GPR146: variants seen among roughly 807,000 people sequenced by gnomAD.
The protein encoded by GPR146 is G-protein coupled receptor 146.
For synonymous variants in GPR146, 203 were observed against 104.3 expected, an observed-to-expected ratio of 1.95 and a Z score of -5.77; for missense variants, 381 against 213.9, an observed-to-expected ratio of 1.78 and a Z score of -4.87.
rs549095534 is a variant in GPR146 at position 1,055,502 on chromosome 7, C to T, written c.-24-1990C>T. Reference sequence around the variant, plus strand: ...AGTAAAGGTGAGAGCCTGTGGTGCCCGCAGGTGGGAGAGGGGACGTGGGGG... The same window carrying T: ...AGTAAAGGTGAGAGCCTGTGGTGCCTGCAGGTGGGAGAGGGGACGTGGGGG... On this transcript the variant is annotated intron_variant, in intron 1 of 1. Transcript: ENST00000444847. 22 of 452,866 alleles carry T rather than the reference C, an allele frequency of 4.9e-5. No homozygotes were observed. The East Asian group carries it at 6.3e-4, about 13-fold the overall frequency. The allele number at this position is 452,866 out of a possible 1,614,324, so 28.1% of individuals were successfully genotyped here.
intron 1 of GPR146, among the ~76,000 whole-genome samples, chr7:1,051,418 A>G (rs1783101444): frequency 6.6e-6 from 1 of 152,224 alleles, no homozygotes; most frequent in Non-Finnish European, 1.5e-5. Flanking sequence ...CGTGGGGAGC[A>G]CATTTGCTCA....
intron 1 of GPR146, among the ~76,000 whole-genome samples, chr7:1,055,816 C>T (rs532377896): frequency 6.6e-5 from 10 of 152,116 alleles, no homozygotes; most frequent in South Asian, 2.1e-4. Context: ...TGGACAGATC[C>T]GGGGGCCCTG....
chr7:1,048,613 C>T (rs528864936), intron 1 of GPR146, among the ~76,000 whole-genome samples: 3 of 152,214 alleles, frequency 2.0e-5, no homozygotes, highest in Non-Finnish European at 4.4e-5. Context: ...GTTCACCTCA[C>T]TGCTCACAGA....
rs147995364 is a variant in GPR146 at position 1,052,536 on chromosome 7, G to A, written c.-24-4956G>A. ...GAGCAGGGCCTGGCGGAAGAAGTGG[G>A]GGAGCCAGGAAGGAGCAGCTGCCAG... On this transcript the variant is annotated intron_variant, in intron 1 of 1. Coordinates refer to ENST00000444847, the MANE Select transcript of GPR146 (RefSeq NM_001303473.2). The surrounding 1 kb of genome is among the most constrained non-coding windows in gnomAD (Gnocchi z 4.2). Among the ~76,000 whole-genome samples, 391 of 152,268 alleles carry A rather than the reference G, an allele frequency of 2.6e-3. 1 individual carries two copies. Among genetic ancestry groups the A allele is most frequent in the African/African-American group, 9.0e-3 (372 of 41,544 alleles).
intron 1 of GPR146, among the ~76,000 whole-genome samples, chr7:1,051,132 C>A (rs892257192): frequency 1.3e-5 from 2 of 152,234 alleles, no homozygotes; most frequent in Admixed American, 6.5e-5. Flanking sequence ...AGCTCCCAGG[C>A]CCTACAAGCA....
chr7:1,055,324 C>T lies in GPR146; in HGVS notation c.-24-2168C>T, dbSNP rs918489150. ...TGGGGCCCTCACACGCACGCGCAGG[C>T]GGCCAGGCGCGCTGCTGATAAGAGC... On this transcript the variant is annotated intron_variant, in intron 1 of 1. Transcript: ENST00000444847. The T allele has an allele frequency of 1.7e-5, 8 of 471,132 alleles. No individual in the cohort carries two copies. In the East Asian group the frequency reaches 2.1e-4, roughly 12 times the overall value. 29.2% of individuals were successfully genotyped at this position (471,132 alleles called of 1,614,324 possible). A position where few individuals can be genotyped will look rare whatever the true frequency, so the allele number is the denominator to read the frequency against.
At position 1,058,863 on chromosome 7, in the gene GPR146, A is replaced by G. The variant is rs182160087; in HGVS notation, c.*346A>G. 11 of 245,802 alleles carry G rather than the reference A, an allele frequency of 4.5e-5. No homozygotes were observed. The highest frequency in any genetic ancestry group is 6.8e-5 in the Non-Finnish European group (8 of 117,828). The allele number at this position is 245,802 out of a possible 1,614,324, so 15.2% of individuals were successfully genotyped here. On this transcript the variant is annotated 3_prime_UTR_variant, in exon 2 of 2. Transcript: ENST00000444847. ...AGTATTTATACTTTGTGGTTAAAAT[A>G]CTTGATTCCCCCTTGTTTGTTTTAC...
chr7:1,053,542 A>G (rs1188774834), intron 1 of GPR146, among the ~76,000 whole-genome samples: 2 of 151,820 alleles, frequency 1.3e-5, no homozygotes, highest in Admixed American at 1.3e-4. Flanking sequence ...CAAAATGTAC[A>G]CCTCGCTGGG....
intron 1 of GPR146, chr7:1,055,545 C>T: frequency 2.3e-6 from 1 of 426,792 alleles, no homozygotes. Context: ...GCAGTACAGG[C>T]AGGAGAGGGG....
chr7:1,048,743 C>T lies in GPR146; in HGVS notation c.-25+4085C>T, dbSNP rs553802732. 4.9e-4 allele frequency among the ~76,000 whole-genome samples: 74 copies of T among 152,300 alleles called. No individual in the cohort carries two copies. The South Asian group carries it at 0.015, about 30-fold the overall frequency. ...GACAGCTAGCCTGACGGGGTCCTGT[C>T]GCCCCTGTCCACACCCTGCTATGGC... On this transcript the variant is annotated intron_variant, in intron 1 of 1. Transcript: ENST00000444847.
intron 1 of GPR146, among the ~76,000 whole-genome samples, chr7:1,045,145 G>A (rs975606095): frequency 6.6e-6 from 1 of 152,232 alleles, no homozygotes; most frequent in Non-Finnish European, 1.5e-5. Context: ...GGAAGGCAGT[G>A]CTCTCCAGCC....
chr7:1,045,049 T>C (rs1252824692), intron 1 of GPR146, among the ~76,000 whole-genome samples: 1 of 152,226 alleles, frequency 6.6e-6, no homozygotes, highest in Non-Finnish European at 1.5e-5. Context: ...GAGTTTTGGA[T>C]CTGTGTCTAC....
chr7:1,051,686 A>G (rs1020984144), intron 1 of GPR146, among the ~76,000 whole-genome samples: 1 of 152,246 alleles, frequency 6.6e-6, no homozygotes, highest in African/African-American at 2.4e-5. Flanking sequence ...TTAAAAAACA[A>G]AAACAGGTCA....
chr7:1,055,767 G>A (rs989975620), intron 1 of GPR146, among the ~76,000 whole-genome samples: 2 of 152,132 alleles, frequency 1.3e-5, no homozygotes, highest in African/African-American at 4.8e-5. Flanking sequence ...GGCACACAGT[G>A]AGACAGCCCT....
At chr7:1,050,207 C>T (rs1052847043) in intron 1 of GPR146, among the ~76,000 whole-genome samples, 3 of 152,256 alleles carry the variant, frequency 2.0e-5, no homozygotes, top group Admixed American at 6.5e-5. Context: ...CCTGTGCACC[C>T]TGTGGGCAGT....
At chr7:1,054,746 G>A (rs1055382717) in intron 1 of GPR146, among the ~76,000 whole-genome samples, 3 of 152,190 alleles carry the variant, frequency 2.0e-5, no homozygotes, top group Non-Finnish European at 2.9e-5. Context: ...AGGAGGCTCC[G>A]TGTGTGGGGC....
Position 1,044,667 on chromosome 7 carries a change from G to A in GPR146, c.-25+9G>A, listed in dbSNP as rs1782407694. 2 of 152,182 alleles carry A rather than the reference G, an allele frequency of 1.3e-5. No individual in the cohort carries two copies. Among genetic ancestry groups the A allele is most frequent in the Admixed American group, 1.3e-4 (2 of 15,298 alleles). The allele number at this position is 152,182 out of a possible 1,614,324, so 9.4% of individuals were successfully genotyped here. A position where few individuals can be genotyped will look rare whatever the true frequency, so the allele number is the denominator to read the frequency against. ...CGCCGCCCAGCAAGCCGGTGAGTGG[G>A]GCCCGGGAGCCTGGGTCGGGTCGGT... On this transcript the variant is annotated intron_variant, in intron 1 of 1. Coordinates refer to ENST00000444847, the MANE Select transcript of GPR146 (RefSeq NM_001303473.2).
intron 1 of GPR146, among the ~76,000 whole-genome samples, chr7:1,053,488 G>A (rs1274657945): frequency 1.3e-5 from 2 of 152,220 alleles, no homozygotes; most frequent in Non-Finnish European, 2.9e-5. Flanking sequence ...GCCAGGCCCT[G>A]GCACGCTGTG....
In GPR146 at chr7:1,058,693, C is replaced by T; in HGVS notation, c.*176C>T. 1.7e-6 allele frequency: 1 copy of T among 603,170 alleles called. No homozygotes were observed. Among genetic ancestry groups the T allele is most frequent in the East Asian group, 2.8e-5 (1 of 35,832 alleles). The allele number at this position is 603,170 out of a possible 1,614,324, so 37.4% of individuals were successfully genotyped here. A position where few individuals can be genotyped will look rare whatever the true frequency, so the allele number is the denominator to read the frequency against. ...GCCACTCTTGGGCCAAGGCTGTGGTCCCCGTGGCTGGCATCTGGCTTGAGT... is the reference window on the plus strand; with the variant it reads ...GCCACTCTTGGGCCAAGGCTGTGGTTCCCGTGGCTGGCATCTGGCTTGAGT... On this transcript the variant is annotated 3_prime_UTR_variant, in exon 2 of 2. Transcript: ENST00000444847.
Sources: gnomAD v4.1 joint callset for allele counts (sites outside exome capture counted in the v4.1 genomes callset) on GRCh38, gnomAD v4.1.1 for gene constraint, Gnocchi (gnomAD v3.1) non-coding constraint, MANE v1.5 for transcripts, NCBI Gene and HGNC (gene_info 2026-07-23, HGNC 2026-07-21) for gene names.